Variants in STPG2 observed in about 807,000 individuals in gnomAD.
STPG2 encodes the protein sperm tail PG-rich repeat containing 2.
In STPG2, 56 loss-of-function variants were observed where a neutral mutation model predicts 54.2. That is an observed-to-expected ratio of 1.03 (90% confidence interval 0.83 to 1.29). The LOEUF (loss-of-function observed/expected upper bound fraction) is 1.29. Among genes scored for constraint, STPG2 ranks in the 50% most tolerant of loss-of-function variants. STPG2 has a pLI of 0.00. For missense variants in STPG2, 596 were observed against 544.9 expected, an observed-to-expected ratio of 1.09 and a Z score of -0.93; for synonymous variants, 200 against 181.8, an observed-to-expected ratio of 1.10 and a Z score of -0.81.
chr4:98,056,103 G>A (rs1737474271), intron 5 of STPG2, among the ~76,000 whole-genome samples: 1 of 152,104 alleles, frequency 6.6e-6, no homozygotes, highest in African/African-American at 2.4e-5. Context: ...AGTGAAGTCT[G>A]CTTTGCCCCC....
Position 97,728,921 on chromosome 4 carries a change from AAGAG to A in STPG2, c.1205-16111_1205-16108del, listed in dbSNP as rs899404334. Among the ~76,000 whole-genome samples, 6 of 151,734 alleles carry A rather than the reference AAGAG, an allele frequency of 4.0e-5. No homozygotes were observed. In the East Asian group the frequency reaches 5.8e-4, roughly 15 times the overall value. On this transcript the variant is annotated intron_variant, in intron 9 of 10. Coordinates refer to ENST00000295268, the MANE Select transcript of STPG2 (RefSeq NM_174952.3). Reference sequence around the variant, plus strand: ...TGCATGCATGTGTGTGTGTGAGAGAAAGAGAGAGAGAGAAAGAAAGATACAGAGA... The same window carrying A: ...TGCATGCATGTGTGTGTGTGAGAGAAAGAGAGAGAAAGAAAGATACAGAGA...
chr4:97,896,900 TTTTC>T (rs1398616316), intron 8 of STPG2, among the ~76,000 whole-genome samples: 1 of 151,514 alleles, frequency 6.6e-6, no homozygotes, highest in Admixed American at 6.6e-5. Context: ...TTCCTTCTGC[TTTTC>T]TTTATTTAAC....
At chr4:97,852,575 G>A (rs1729195276) in intron 8 of STPG2, among the ~76,000 whole-genome samples, 1 of 152,144 alleles carries the variant, frequency 6.6e-6, no homozygotes. Context: ...CTCCAAAATA[G>A]TAAGGGTAAT....
chr4:97,716,334 A>G (rs1409602559), intron 9 of STPG2, among the ~76,000 whole-genome samples: 1 of 152,104 alleles, frequency 6.6e-6, no homozygotes. Flanking sequence ...TTGACCCAGC[A>G]ATCCCATTAC....
chr4:97,903,355 TTTTA>T (rs1578671991), intron 8 of STPG2, among the ~76,000 whole-genome samples: 1 of 152,134 alleles, frequency 6.6e-6, no homozygotes, highest in African/African-American at 2.4e-5. Flanking sequence ...TATACACAAT[TTTTA>T]TTTGTCAATT....
intron 5 of STPG2, among the ~76,000 whole-genome samples, chr4:98,024,233 T>C (rs1736338339): frequency 6.6e-6 from 1 of 152,226 alleles, no homozygotes. Context: ...TTTATAGCAC[T>C]GTGAAAACAG....
intron 7 of STPG2, among the ~76,000 whole-genome samples, chr4:97,959,762 A>G (rs1427655833): frequency 6.6e-6 from 1 of 152,138 alleles, no homozygotes; most frequent in African/African-American, 2.4e-5. Context: ...GAATTCTACC[A>G]GACATTCAAA....
intron 4 of STPG2, among the ~76,000 whole-genome samples, chr4:97,444,976 G>T (rs942942586): frequency 1.3e-5 from 2 of 152,212 alleles, no homozygotes; most frequent in Non-Finnish European, 2.9e-5. Flanking sequence ...GGCAGAGCTT[G>T]CAGTGAGTGG....
chr4:97,725,504 G>T (rs994372884), intron 9 of STPG2, among the ~76,000 whole-genome samples: 3 of 151,738 alleles, frequency 2.0e-5, no homozygotes, highest in Non-Finnish European at 4.4e-5. Context: ...CAATAATATT[G>T]CATCTATAAA....
chr4:98,012,687 T>C (rs1007843248), intron 5 of STPG2, among the ~76,000 whole-genome samples: 1 of 152,200 alleles, frequency 6.6e-6, no homozygotes, highest in Non-Finnish European at 1.5e-5. Context: ...ACTGTATTCC[T>C]AGGTATTTTA....
At chr4:97,863,160 C>T (rs1375312047) in intron 8 of STPG2, among the ~76,000 whole-genome samples, 1 of 151,876 alleles carries the variant, frequency 6.6e-6, no homozygotes, top group East Asian at 1.9e-4. Flanking sequence ...ATCCAGGAGC[C>T]AGTTTTTTGA....
chr4:97,988,026 T>TCACACACACACA (rs3047311), intron 5 of STPG2, among the ~76,000 whole-genome samples: 29 of 141,608 alleles, frequency 2.0e-4, no homozygotes, highest in African/African-American at 7.1e-4. Context: ...GGTCTGAATG[T>TCACACACACACA]CACACACACA....
chr4:97,887,640 A>G (rs79404513), intron 8 of STPG2, among the ~76,000 whole-genome samples: 234 of 152,366 alleles, frequency 1.5e-3, no homozygotes, highest in African/African-American at 5.5e-3. Flanking sequence ...CTTAAAAGTT[A>G]GAAAAATTTG....
intron 5 of STPG2, among the ~76,000 whole-genome samples, chr4:98,058,082 A>C (rs546181978): frequency 1.6e-3 from 238 of 152,328 alleles, no homozygotes; most frequent in Non-Finnish European, 3.1e-3. Context: ...TGGAAAGGAA[A>C]GACCATTACC....
intron 9 of STPG2, among the ~76,000 whole-genome samples, chr4:97,733,446 G>C (rs1025493526): frequency 3.3e-5 from 5 of 151,870 alleles, no homozygotes; most frequent in African/African-American, 1.2e-4. Context: ...AAGGGGGAGG[G>C]TGGGAGAGGA....
chr4:98,125,340 G>C (rs1201898969), intron 3 of STPG2, among the ~76,000 whole-genome samples: 2 of 152,110 alleles, frequency 1.3e-5, no homozygotes, highest in Non-Finnish European at 2.9e-5. Flanking sequence ...GAGGCTGCTG[G>C]ACCTTTGGAT....
chr4:98,019,861 T>G lies in STPG2; in HGVS notation c.613-38543A>C, dbSNP rs1382349112. Among the ~76,000 whole-genome samples the G allele has an allele frequency of 2.5e-5, 3 of 119,882 alleles. 1 individual carries two copies. Among genetic ancestry groups the G allele is most frequent in the Non-Finnish European group, 5.4e-5 (3 of 55,082 alleles). The allele number at this position is 119,882 out of a possible 152,430, so 78.6% of individuals were successfully genotyped here. ...AAGAATGTTTGTGATTTTTTTACAT[T>G]GATTTTGTATCCTGAGACTTTGCTG... On this transcript the variant is annotated intron_variant, in intron 5 of 10. Coordinates refer to ENST00000295268, the MANE Select transcript of STPG2 (RefSeq NM_174952.3).
chr4:98,028,064 C>T (rs965750459), intron 5 of STPG2, among the ~76,000 whole-genome samples: 2 of 152,110 alleles, frequency 1.3e-5, no homozygotes, highest in Non-Finnish European at 2.9e-5. Flanking sequence ...TGAAGGGATC[C>T]ATGAGTCATA....
intron 7 of STPG2, among the ~76,000 whole-genome samples, chr4:97,950,111 T>G (rs1279331128): frequency 6.6e-6 from 1 of 152,040 alleles, no homozygotes; most frequent in African/African-American, 2.4e-5. Context: ...ATTTATCTCT[T>G]TAGAAATTTT....
Sources: allele counts gnomAD v4.1 joint callset (sites outside exome capture counted in the v4.1 genomes callset), GRCh38; gene constraint gnomAD v4.1.1; transcripts MANE v1.5; gene names NCBI Gene and HGNC (gene_info 2026-07-23, HGNC 2026-07-21).